Variants in CEP57 observed in about 807,000 individuals in gnomAD.
The protein encoded by CEP57 is centrosomal protein 57.
CEP57 carries 40 observed loss-of-function variants against 68.0 expected under a neutral mutation model. The observed-to-expected ratio is 0.59, with a 90% CI of 0.46 to 0.77. The LOEUF (loss-of-function observed/expected upper bound fraction) is 0.77. Ranked by LOEUF, CEP57 falls within the 30% of genes least tolerant of loss-of-function variation. CEP57 has a pLI of 0.00. For missense variants in CEP57, 606 were observed against 580.7 expected, an observed-to-expected ratio of 1.04 and a Z score of -0.45; for synonymous variants, 219 against 198.7, an observed-to-expected ratio of 1.10 and a Z score of -0.86.
chr11:95,808,514 G>A (rs1315538689), intron 2 of CEP57, among the ~76,000 whole-genome samples: 1 of 152,126 alleles, frequency 6.6e-6, no homozygotes, highest in African/African-American at 2.4e-5. Flanking sequence ...AAAATAAAAG[G>A]ATGGAGGAAG....
At chr11:95,814,807 A>C (rs1410980709) in intron 4 of CEP57, among the ~76,000 whole-genome samples, 1 of 152,202 alleles carries the variant, frequency 6.6e-6, no homozygotes, top group Non-Finnish European at 1.5e-5. Flanking sequence ...GCAATGGAAA[A>C]AAAAAATACT....
At position 95,813,546 on chromosome 11, in the gene CEP57, T is replaced by C. The variant is rs889087291; in HGVS notation, c.461T>C (p.Ile154Thr). ...EKQLEYMRNM[I>T]KHAEMERTSV... ...CAATTGGAATACATGCGAAATATGA[T>C]AAAGCATGCCGAAATGGAGAGGACA... The change falls in exon 4 of 11, where the codon ATA becomes ACA. Residue 154 changes from isoleucine to threonine, a missense_variant. By Grantham distance (89) the Ile-to-Thr change is moderately conservative. Transcript: ENST00000325542. 1 of 1,613,260 alleles carries C rather than the reference T, an allele frequency of 6.2e-7. No homozygotes were observed. The highest frequency in any genetic ancestry group is 1.7e-5 in the Admixed American group (1 of 60,032).
In CEP57 at chr11:95,793,980, C is replaced by A. The variant is rs192953488; in HGVS notation, c.45+3237C>A. On this transcript the variant is annotated intron_variant, in intron 1 of 10. Coordinates refer to ENST00000325542, the MANE Select transcript of CEP57 (RefSeq NM_014679.5). ...AGTCTACAAGATCCTTCTGTAATGA[C>A]CACGTTTGTGGTAGACTAGATCTTT... 2.9e-3 allele frequency among the ~76,000 whole-genome samples: 441 copies of A among 152,286 alleles called. 4 individuals are homozygous for A. The highest frequency in any genetic ancestry group is 0.01 in the African/African-American group (423 of 41,574).
intron 2 of CEP57, among the ~76,000 whole-genome samples, chr11:95,803,025 A>T (rs890718753): frequency 2.0e-5 from 3 of 152,188 alleles, no homozygotes; most frequent in African/African-American, 7.2e-5. Flanking sequence ...CACACATTGT[A>T]TGTGGTCTAT....
In CEP57 at chr11:95,799,315, G is replaced by A. The variant is rs1165556418; in HGVS notation, c.129G>A (p.Lys43=). Residue 43 remains lysine, a synonymous_variant, in exon 2 of 11, where the codon AAG becomes AAA. Transcript: ENST00000325542. ...CATATGTAGTATATCCTTCGGATAA[G>A]CCTTTCCTTAATAGTGATCTACGAC... ...SSPYVVYPSD[K]PFLNSDLRRS... is the part of the protein sequence containing the mutation. The A allele has an allele frequency of 4.3e-6, 7 of 1,613,968 alleles. No homozygotes were observed. The highest frequency in any genetic ancestry group is 1.7e-5 in the Admixed American group (1 of 59,998).
intron 1 of CEP57, among the ~76,000 whole-genome samples, chr11:95,794,862 G>A (rs1470629442): frequency 6.6e-6 from 1 of 152,080 alleles, no homozygotes; most frequent in Non-Finnish European, 1.5e-5. Flanking sequence ...TATGCTGTGA[G>A]ATAGGGATCC....
chr11:95,807,719 A>T (rs1386258993), intron 2 of CEP57, among the ~76,000 whole-genome samples: 3 of 152,202 alleles, frequency 2.0e-5, no homozygotes, highest in Non-Finnish European at 4.4e-5. Context: ...TGGGACTATG[A>T]GAAAAGACCA....
chr11:95,813,622 G>A (rs1009685918), intron 4 of CEP57, 33 bp downstream of exon 4: 2 of 1,610,256 alleles, frequency 1.2e-6, no homozygotes, highest in African/African-American at 1.3e-5. Flanking sequence ...TGATACTCAA[G>A]AACAGTTATG....
chr11:95,804,575 G>A lies in CEP57; in HGVS notation c.202+5187G>A, dbSNP rs146132237. Among the ~76,000 whole-genome samples the A allele has an allele frequency of 3.5e-4, 54 of 152,252 alleles. No homozygotes were observed. The East Asian group carries it at 8.9e-3, about 25-fold the overall frequency. ...TGTCAAAGCAGAACTGGAACACTGC[G>A]GCCCGTGGTCTCAGGAAGAGACTGG... On this transcript the variant is annotated intron_variant, in intron 2 of 10. Transcript: ENST00000325542.
intron 6 of CEP57, among the ~76,000 whole-genome samples, chr11:95,821,485 T>C (rs567075904): frequency 2.0e-3 from 301 of 152,326 alleles, no homozygotes; most frequent in African/African-American, 6.7e-3. Flanking sequence ...AAATGTATTC[T>C]GCTCTTCGGC....
intron 10 of CEP57, among the ~76,000 whole-genome samples, chr11:95,830,533 G>T (rs1456123943): frequency 6.6e-6 from 1 of 152,092 alleles, no homozygotes; most frequent in African/African-American, 2.4e-5. Context: ...TCTTTTCATA[G>T]TATTAATACA....
intron 2 of CEP57, among the ~76,000 whole-genome samples, chr11:95,807,419 C>CT (rs1379309905): frequency 6.6e-6 from 1 of 152,128 alleles, no homozygotes; most frequent in Non-Finnish European, 1.5e-5. Flanking sequence ...ACAAACTTCT[C>CT]TGAGCTAAAG....
rs554902 is a variant in CEP57, at chr11:95,832,631, A to G, written c.*1375A>G. 1 of 152,124 alleles carries G rather than the reference A, an allele frequency of 6.6e-6. No homozygotes were observed. The allele number at this position is 152,124 out of a possible 1,614,324, so 9.4% of individuals were successfully genotyped here. On this transcript the variant is annotated 3_prime_UTR_variant, in exon 11 of 11. Transcript: ENST00000325542. ...TGTGTCAACCACCATTTCAGCTATT[A>G]AAAACTCCTGTTATCTCCTTGTTTG... is the stretch of plus-strand genomic sequence containing the variant.
chr11:95,826,545 C>A (rs1862750485), intron 8 of CEP57: 1 of 152,042 alleles, frequency 6.6e-6, no homozygotes, highest in African/African-American at 2.4e-5. Flanking sequence ...CACCATGACA[C>A]ACATTTACCT....
chr11:95,818,881 CGCAT>C lies in CEP57; in HGVS notation c.680_683del (p.Met227LysfsTer11). The C allele has an allele frequency of 6.2e-7, 1 of 1,613,850 alleles. No individual in the cohort carries two copies. Among genetic ancestry groups the C allele is most frequent in the Non-Finnish European group, 8.5e-7 (1 of 1,179,858 alleles). ...CCATGAAGAAGAACAGGAAAGGAAA[CGCAT>C]GCAAGCTAAGGCAGCTGAGGTAAGT... is the stretch of plus-strand genomic sequence containing the variant. On this transcript the variant is annotated frameshift_variant, in exon 6 of 11. Coordinates refer to ENST00000325542, the MANE Select transcript of CEP57 (RefSeq NM_014679.5). LOFTEE classifies it high-confidence loss of function.
rs576376904 is a variant in CEP57 at position 95,805,024 on chromosome 11, TG to T, written c.202+5637del. Among the ~76,000 whole-genome samples the T allele has an allele frequency of 5.3e-4, 80 of 152,222 alleles. 1 individual carries two copies. Among genetic ancestry groups the T allele is most frequent in the Non-Finnish European group, 1.0e-3 (71 of 68,032 alleles). On this transcript the variant is annotated intron_variant, in intron 2 of 10. Coordinates refer to ENST00000325542, the MANE Select transcript of CEP57 (RefSeq NM_014679.5). Reference sequence around the variant, plus strand: ...AAAAGTGCACACCCCAGCATATCCTTGTGATACTACAGTTGCTGACATAAAG... The same window carrying T: ...AAAAGTGCACACCCCAGCATATCCTTTGATACTACAGTTGCTGACATAAAG...
chr11:95,806,142 T>C (rs906172567), intron 2 of CEP57, among the ~76,000 whole-genome samples: 1 of 152,192 alleles, frequency 6.6e-6, no homozygotes, highest in African/African-American at 2.4e-5. Flanking sequence ...AGAACCATCC[T>C]GTAATCTGTA....
chr11:95,799,437 T>G (rs1861482781), intron 2 of CEP57, 49 bp downstream of exon 2: 8 of 1,606,602 alleles, frequency 5.0e-6, no homozygotes, highest in Non-Finnish European at 6.8e-6. Flanking sequence ...CTTGCTGCTT[T>G]AAAATTCTTA....
intron 9 of CEP57, 71 bp downstream of exon 9, chr11:95,828,098 T>C: frequency 6.6e-7 from 1 of 1,506,534 alleles, no homozygotes; most frequent in Non-Finnish European, 9.0e-7. Flanking sequence ...TTGTTGACTT[T>C]ATTAAATCTT....
Sources: allele counts gnomAD v4.1 joint callset (sites outside exome capture counted in the v4.1 genomes callset), GRCh38; gene constraint gnomAD v4.1.1; transcripts MANE v1.5; gene names NCBI Gene and HGNC (gene_info 2026-07-23, HGNC 2026-07-21).